Variants in WDR45B observed in about 807,000 individuals in gnomAD.
The protein encoded by WDR45B is WD repeat domain phosphoinositide-interacting protein 3.
A neutral mutation model predicts 44.6 loss-of-function variants in WDR45B; 20 were observed. That is an observed-to-expected ratio of 0.45 (90% CI 0.32 to 0.65). The LOEUF is 0.65. WDR45B is among the 30% of genes least tolerant of loss of function. WDR45B has a pLI of 0.05. For synonymous variants in WDR45B, 169 were observed against 164.9 expected (o/e 1.02, Z -0.19); for missense variants, 323 against 430.2 (o/e 0.75, Z 2.20).
At position 82,614,647 on chromosome 17, in the gene WDR45B, A is replaced by G. The variant is rs528206254; in HGVS notation, c.*1272T>C. The G allele has an allele frequency of 9.5e-4, 145 of 152,802 alleles. No individual in the cohort carries two copies. Among genetic ancestry groups the G allele is most frequent in the African/African-American group, 3.3e-3 (136 of 41,592 alleles). The allele number at this position is 152,802 out of a possible 1,614,324, so 9.5% of individuals were successfully genotyped here. A position where few individuals can be genotyped will look rare whatever the true frequency, so the allele number is the denominator to read the frequency against. On this transcript the variant is annotated 3_prime_UTR_variant, in exon 10 of 10. Transcript: ENST00000392325. ...GTGTGCAAAATTAAACATCATGATT[A>G]AATACACATGAAAGGAACATGCATA...
rs36183298 is a variant in WDR45B at position 82,634,150 on chromosome 17, C to CAAAAAAA, written c.143-3135_143-3129dup. Among the ~76,000 whole-genome samples, 70 of 31,906 alleles carry CAAAAAAA rather than the reference C, an allele frequency of 2.2e-3. 6 individuals carry two copies. Among genetic ancestry groups the CAAAAAAA allele is most frequent in the East Asian group, 0.012 (10 of 838 alleles). The allele number at this position is 31,906 out of a possible 152,430, so 20.9% of individuals were successfully genotyped here. ...TGGGTGACACAGTGAGACTCCATCT[C>CAAAAAAA]AAAAAAAAAAAAAAAAAAAAAAAAG... On this transcript the variant is annotated intron_variant, in intron 2 of 9. Transcript: ENST00000392325.
intron 1 of WDR45B, among the ~76,000 whole-genome samples, chr17:82,647,087 G>A (rs1031831430): frequency 2.0e-5 from 3 of 152,194 alleles, no homozygotes; most frequent in African/African-American, 2.4e-5. Flanking sequence ...AAAGTAGCCG[G>A]GCGTGGAGGC....
At chr17:82,632,487 A>G (rs2045780245) in intron 2 of WDR45B, among the ~76,000 whole-genome samples, 1 of 152,082 alleles carries the variant, frequency 6.6e-6, no homozygotes, top group Non-Finnish European at 1.5e-5. Context: ...CTGTTCATGA[A>G]TTACGTAAGA....
At chr17:82,645,308 AC>A (rs1288353039) in intron 1 of WDR45B, among the ~76,000 whole-genome samples, 6 of 152,108 alleles carry the variant, frequency 3.9e-5, no homozygotes, top group Non-Finnish European at 8.8e-5. Context: ...AAAAAAAAAA[AC>A]AAAAATAAAA....
intron 5 of WDR45B, among the ~76,000 whole-genome samples, chr17:82,623,789 A>G (rs958652435): frequency 6.6e-6 from 1 of 152,132 alleles, no homozygotes; most frequent in African/African-American, 2.4e-5. Context: ...CACTTCCCAA[A>G]AGATCTCGAA....
At chr17:82,633,295 C>G (rs1177737223) in intron 2 of WDR45B, among the ~76,000 whole-genome samples, 2 of 152,114 alleles carry the variant, frequency 1.3e-5, no homozygotes, top group African/African-American at 2.4e-5. Context: ...AACCACACAT[C>G]TGATACAGTG....
chr17:82,630,278 G>T (rs1022776314), intron 3 of WDR45B, among the ~76,000 whole-genome samples: 8 of 150,990 alleles, frequency 5.3e-5, no homozygotes, highest in African/African-American at 2.0e-4. Flanking sequence ...GCCTCCCCCA[G>T]ATCTGCCTCC....
At position 82,615,871 on chromosome 17, in the gene WDR45B, G is replaced by C. The variant is rs958213169; in HGVS notation, c.*48C>G. On this transcript the variant is annotated 3_prime_UTR_variant, in exon 10 of 10. Coordinates refer to ENST00000392325, the MANE Select transcript of WDR45B (RefSeq NM_019613.4). Reference sequence around the variant, plus strand: ...CCTGGGGCACTGGCACCAGCCCCGAGAGTCTGAAGGCGGCAGGTGGTGGGT... The same window carrying C: ...CCTGGGGCACTGGCACCAGCCCCGACAGTCTGAAGGCGGCAGGTGGTGGGT... The C allele has an allele frequency of 2.5e-6, 4 of 1,571,180 alleles. No homozygotes were observed. In the African/African-American group the frequency reaches 4.1e-5, roughly 16 times the overall value.
Position 82,648,320 on chromosome 17 carries a change from G to A in WDR45B, c.21C>T (p.Asn7=), listed in dbSNP as rs543274594. MNLLPC[N]PHGNGLLYAG... ...CGTAGAGCAGCCCGTTGCCGTGAGG[G>A]TTACACGGCAGGAGGTTCATGGCGC... The change falls in exon 1 of 10, where the codon AAC becomes AAT. Residue 7 remains asparagine, a synonymous_variant. Transcript: ENST00000392325. 8.5e-5 allele frequency: 137 copies of A among 1,606,924 alleles called. 1 individual carries two copies. The South Asian group carries it at 1.4e-3, about 17-fold the overall frequency.
chr17:82,620,028 T>C (rs575995810), intron 6 of WDR45B, among the ~76,000 whole-genome samples: 48 of 152,262 alleles, frequency 3.2e-4, no homozygotes, highest in African/African-American at 1.1e-3. Context: ...GGATGGAGAA[T>C]CTAAAGATAA....
At chr17:82,641,791 G>A (rs754276427) in intron 2 of WDR45B, among the ~76,000 whole-genome samples, 1 of 152,000 alleles carries the variant, frequency 6.6e-6, no homozygotes, top group Non-Finnish European at 1.5e-5. Context: ...CCAGCTACTC[G>A]GGAGGCTGAG....
intron 2 of WDR45B, among the ~76,000 whole-genome samples, chr17:82,642,004 A>G (rs1423928335): frequency 3.3e-5 from 5 of 152,138 alleles, no homozygotes; most frequent in Admixed American, 3.3e-4. Flanking sequence ...AAAATAAAAA[A>G]CATAAAAATC....
At chr17:82,647,080 G>C (rs182419526) in intron 1 of WDR45B, among the ~76,000 whole-genome samples, 1 of 152,064 alleles carries the variant, frequency 6.6e-6, no homozygotes, top group Non-Finnish European at 1.5e-5. Context: ...AATACAAAAA[G>C]TAGCCGGGCG....
intron 2 of WDR45B, among the ~76,000 whole-genome samples, chr17:82,635,630 C>G (rs1444434902): frequency 6.6e-6 from 1 of 151,662 alleles, no homozygotes; most frequent in African/African-American, 2.4e-5. Context: ...ACCATGTTGG[C>G]CAGGCTGGTC....
intron 1 of WDR45B, among the ~76,000 whole-genome samples, chr17:82,645,862 C>T (rs2045969263): frequency 6.6e-6 from 1 of 152,184 alleles, no homozygotes; most frequent in Admixed American, 6.5e-5. Flanking sequence ...GTGGCTCACA[C>T]CTGTAATCCC....
At chr17:82,633,141 C>T (rs1177313233) in intron 2 of WDR45B, among the ~76,000 whole-genome samples, 1 of 126,544 alleles carries the variant, frequency 7.9e-6, no homozygotes, top group Admixed American at 9.4e-5. Context: ...CCAGCCTGGG[C>T]GAAGGAGGGA....
intron 1 of WDR45B, 50 bp from the exon 2 acceptor site, chr17:82,644,073 A>G: frequency 6.3e-7 from 1 of 1,584,058 alleles, no homozygotes; most frequent in Non-Finnish European, 8.7e-7. Context: ...TGGAGTGGTT[A>G]AAAGAAAGAG....
intron 1 of WDR45B, among the ~76,000 whole-genome samples, chr17:82,646,345 G>A (rs1260690059): frequency 6.6e-6 from 1 of 151,338 alleles, no homozygotes; most frequent in Non-Finnish European, 1.5e-5. Flanking sequence ...AAATTAGCCA[G>A]GCATGGTGGT....
intron 2 of WDR45B, among the ~76,000 whole-genome samples, chr17:82,641,671 C>A (rs374854232): frequency 1.3e-5 from 2 of 152,080 alleles, no homozygotes; most frequent in East Asian, 1.9e-4. Context: ...ACAAGGTGGG[C>A]GGATCACGAG....
Sources: gnomAD v4.1 joint callset for allele counts (sites outside exome capture counted in the v4.1 genomes callset) on GRCh38, gnomAD v4.1.1 for gene constraint, MANE v1.5 for transcripts, NCBI Gene and HGNC (gene_info 2026-07-23, HGNC 2026-07-21) for gene names.